The following ARMC2 variants were observed in gnomAD, a reference collection of about 807,000 sequenced individuals.
ARMC2 encodes armadillo repeat-containing protein 2.
In ARMC2, 67 loss-of-function variants were observed where a neutral mutation model predicts 90.3. That is an observed-to-expected ratio of 0.74 (90% CI 0.61 to 0.91). ARMC2 has a LOEUF of 0.91. ARMC2 is among the 40% of genes least tolerant of loss of function. The pLI is 0.00. For synonymous variants in ARMC2, 393 were observed against 393.0 expected, an observed-to-expected ratio of 1.00 and a Z score of 0.00; for missense variants, 920 against 1,030.9, an observed-to-expected ratio of 0.89 and a Z score of 1.47.
chr6:108,879,056 C>T (rs1319858689), intron 5 of ARMC2, among the ~76,000 whole-genome samples: 1 of 151,450 alleles, frequency 6.6e-6, no homozygotes, highest in Non-Finnish European at 1.5e-5. Flanking sequence ...CACTCATCTG[C>T]CCATCCACCC....
At chr6:108,979,315 T>TC (rs1237416894), downstream of ARMC2, among the ~76,000 whole-genome samples, 26 of 152,200 alleles carry the variant, frequency 1.7e-4, no homozygotes, top group African/African-American at 6.3e-4. Flanking sequence ...ATGTTGAATA[T>TC]TGGCCCCACT....
chr6:109,028,738 GC>G, the ARMC2 span, among the ~76,000 whole-genome samples: 1 of 152,084 alleles, frequency 6.6e-6, no homozygotes, highest in African/African-American at 2.4e-5. Context: ...AAAAATAATT[GC>G]CCCGATCTCA....
rs144827089 is a variant in ARMC2 at position 108,966,707 on chromosome 6, A to G, written c.2446+1567A>G. Among the ~76,000 whole-genome samples, 46 of 152,090 alleles carry G rather than the reference A, an allele frequency of 3.0e-4. No homozygotes were observed. In the East Asian group the frequency reaches 8.5e-3, roughly 28 times the overall value. ...CTCAGGTTGCAGGGAGCAGAAGTGC[A>G]TGTTCAGGTTGCCTTAATTCAGTTC... On this transcript the variant is annotated intron_variant, in intron 17 of 17. Coordinates refer to ENST00000392644, the MANE Select transcript of ARMC2 (RefSeq NM_032131.6).
chr6:109,006,206 G>T, the ARMC2 span, among the ~76,000 whole-genome samples: 1 of 152,146 alleles, frequency 6.6e-6, no homozygotes, highest in Non-Finnish European at 1.5e-5. Context: ...TCATGAAAAA[G>T]TCAAGAGTCT....
intron 3 of ARMC2, among the ~76,000 whole-genome samples, chr6:108,866,958 G>A (rs1227842380): frequency 2.0e-5 from 3 of 151,804 alleles, no homozygotes; most frequent in Non-Finnish European, 2.9e-5. Flanking sequence ...CATGTATGTG[G>A]GAAAACAAGT....
intron 12 of ARMC2, among the ~76,000 whole-genome samples, chr6:108,944,857 C>G (rs1776693079): frequency 6.6e-6 from 1 of 152,080 alleles, no homozygotes. Flanking sequence ...GCATCTACTC[C>G]TCCCAGCTCT....
the ARMC2 span, among the ~76,000 whole-genome samples, chr6:109,025,309 T>C: frequency 6.6e-6 from 1 of 152,014 alleles, no homozygotes; most frequent in Non-Finnish European, 1.5e-5. Flanking sequence ...ATTACCTACC[T>C]GCTCTTAAAA....
At chr6:108,861,910 A>G (rs1775285125) in intron 3 of ARMC2, among the ~76,000 whole-genome samples, 1 of 152,200 alleles carries the variant, frequency 6.6e-6, no homozygotes, top group South Asian at 2.1e-4. Flanking sequence ...TTTTCTAGAG[A>G]TAACCTGGTC....
chr6:108,972,710 C>G (rs939876861), intron 17 of ARMC2, among the ~76,000 whole-genome samples: 1 of 152,124 alleles, frequency 6.6e-6, no homozygotes, highest in Non-Finnish European at 1.5e-5. Context: ...GTCTCTTAGG[C>G]TGGATGGCGG....
intron 12 of ARMC2, among the ~76,000 whole-genome samples, chr6:108,938,324 C>A (rs1349708632): frequency 1.3e-5 from 2 of 151,920 alleles, no homozygotes; most frequent in Non-Finnish European, 2.9e-5. Flanking sequence ...CAGCCAAAGA[C>A]TTCTGCTGAG....
At position 108,928,140 on chromosome 6, in the gene ARMC2, T is replaced by G. The variant is rs776857791; in HGVS notation, c.1403T>G (p.Phe468Cys). 8 of 1,613,470 alleles carry G rather than the reference T, an allele frequency of 5.0e-6. No homozygotes were observed. The highest frequency in any genetic ancestry group is 5.9e-6 in the Non-Finnish European group (7 of 1,179,676). The change falls in exon 11 of 18, where the codon TTC (phenylalanine) becomes TGC (cysteine). Residue 468 changes from phenylalanine to cysteine, a missense_variant. By Grantham distance (205) the Phe-to-Cys change is radical. Transcript: ENST00000392644. Reference sequence around the variant, plus strand: ...GATTCATCATTAGTAAGAAGTAAGTTCCTAAACATCAGTGCCCTTCCCCAG... The same window carrying G: ...GATTCATCATTAGTAAGAAGTAAGTGCCTAAACATCAGTGCCCTTCCCCAG... ...LVDSSLVRSK[F>C]LNISALPQLC... is the part of the protein sequence containing the mutation.
chr6:108,870,530 A>T lies in ARMC2; in HGVS notation c.463+1535A>T, dbSNP rs146694487. Among the ~76,000 whole-genome samples, 621 of 151,614 alleles carry T rather than the reference A, an allele frequency of 4.1e-3. 3 individuals carry two copies. Among genetic ancestry groups the T allele is most frequent in the African/African-American group, 0.014 (582 of 41,272 alleles). On this transcript the variant is annotated intron_variant, in intron 4 of 17. Transcript: ENST00000392644. ...GAGAAAGAGAGAGACAGAAAGAGAA[A>T]GGAAGGTAGGAAGGAAGGAAGGAAG...
the ARMC2 span, among the ~76,000 whole-genome samples, chr6:108,996,460 T>A: frequency 6.6e-6 from 1 of 152,182 alleles, no homozygotes; most frequent in African/African-American, 2.4e-5. Flanking sequence ...AAAAAAGATC[T>A]CTGTCAACTC....
chr6:108,856,774 A>G (rs570504783), intron 2 of ARMC2: 73 of 152,408 alleles, frequency 4.8e-4, no homozygotes, highest in African/African-American at 1.7e-3. Flanking sequence ...TCTTGAATAC[A>G]CTGAGCCTCC....
chr6:108,857,753 T>G (rs1418075192), intron 2 of ARMC2, among the ~76,000 whole-genome samples: 1 of 146,668 alleles, frequency 6.8e-6, no homozygotes, highest in Non-Finnish European at 1.5e-5. Flanking sequence ...GTATTCTCTT[T>G]AGCTTGTATT....
chr6:109,050,765 ATCATAAGGAATTAAAAAAAT>A, the ARMC2 span, among the ~76,000 whole-genome samples: 4 of 152,272 alleles, frequency 2.6e-5, no homozygotes, highest in African/African-American at 9.6e-5. Context: ...TCTTTTAGTA[ATCATAAGGAATTAAAAAAAT>A]ACTGCTGCCA....
At chr6:108,936,330 C>G (rs1775958593) in intron 11 of ARMC2, among the ~76,000 whole-genome samples, 1 of 152,174 alleles carries the variant, frequency 6.6e-6, no homozygotes, top group African/African-American at 2.4e-5. Context: ...AATCTTGGCT[C>G]ACTGCAACCT....
intron 3 of ARMC2, among the ~76,000 whole-genome samples, chr6:108,865,777 G>A (rs1775750766): frequency 6.6e-6 from 1 of 152,030 alleles, no homozygotes; most frequent in Admixed American, 6.5e-5. Context: ...CCAGCACTTT[G>A]GGAGGCCAAG....
chr6:108,904,967 C>A (rs931400691), intron 8 of ARMC2, among the ~76,000 whole-genome samples: 62 of 151,750 alleles, frequency 4.1e-4, no homozygotes, highest in Non-Finnish European at 1.5e-4. Context: ...AAAGGCCAGA[C>A]ACCAAAAAAA....
Sources: gnomAD v4.1 joint callset for allele counts (sites outside exome capture counted in the v4.1 genomes callset) on GRCh38, gnomAD v4.1.1 for gene constraint, MANE v1.5 for transcripts, NCBI Gene and HGNC (gene_info 2026-07-23, HGNC 2026-07-21) for gene names.